The following CENATAC variants were observed in gnomAD, a reference collection of about 807,000 sequenced individuals.
CENATAC encodes coiled-coil domain containing 84.
In CENATAC, 53 loss-of-function variants were observed where a neutral mutation model predicts 53.7. That is an observed-to-expected ratio of 0.99 (90% CI 0.79 to 1.24). CENATAC has a LOEUF of 1.24. Among genes scored for constraint, CENATAC ranks in the 50% most tolerant of loss-of-function variants. CENATAC has a pLI of 0.00. For missense variants in CENATAC, 474 were observed against 417.8 expected (o/e 1.13, Z -1.17); for synonymous variants, 156 against 144.6 (o/e 1.08, Z -0.57).
At chr11:118,999,255 A>T (rs1942169053) in intron 3 of CENATAC, 146 bp downstream of exon 3, 1 of 598,764 alleles carries the variant, frequency 1.7e-6, no homozygotes, top group African/African-American at 1.8e-5. Context: ...TCTAGGTACT[A>T]TATTGGACAC....
rs1435238957 is a variant in CENATAC at position 119,009,074 on chromosome 11, T to A, written c.384-1690T>A. Reference sequence around the variant, plus strand: ...GTCTTTTTCAAAATGGAGTCTCTTATGTCTTTCCTTCCTACATAGACACAG... The same window carrying A: ...GTCTTTTTCAAAATGGAGTCTCTTAAGTCTTTCCTTCCTACATAGACACAG... On this transcript the variant is annotated intron_variant, in intron 3 of 10. Transcript: ENST00000334418. 2.0e-5 allele frequency among the ~76,000 whole-genome samples: 3 copies of A among 152,210 alleles called. No homozygotes were observed. In the East Asian group the frequency reaches 5.8e-4, roughly 29 times the overall value.
intron 9 of CENATAC, 25 bp from the exon 10 acceptor site, chr11:119,015,277 AAAAAT>A (rs782568930): frequency 1.3e-6 from 2 of 1,582,062 alleles, no homozygotes; most frequent in Non-Finnish European, 1.7e-6. Flanking sequence ...TTCAATAAAG[AAAAAT>A]AAAAGTTTCC....
rs552363193 is a variant in CENATAC at position 119,015,463 on chromosome 11, T to C, written c.938+24T>C. ...AGGTATGTGTGTTCAGTGCCGGGTC[T>C]CCAACCTACCCATCCAACCTCCTTT... On this transcript the variant is annotated intron_variant, in intron 10 of 10. Coordinates refer to ENST00000334418, the MANE Select transcript of CENATAC (RefSeq NM_198489.3). 1.4e-5 allele frequency: 23 copies of C among 1,613,848 alleles called. No homozygotes were observed. In the South Asian group the frequency reaches 2.2e-4, roughly 15 times the overall value.
chr11:119,014,149 A>G (rs1432471777), intron 8 of CENATAC: 1 of 152,382 alleles, frequency 6.6e-6, no homozygotes, highest in Non-Finnish European at 1.5e-5. Flanking sequence ...CTTGTACACA[A>G]ATCTTCAGAA....
At chr11:119,010,893 T>G in intron 4 of CENATAC, 63 bp downstream of exon 4, 2 of 1,444,822 alleles carry the variant, frequency 1.4e-6, no homozygotes, top group Non-Finnish European at 1.9e-6. Context: ...GGAAGACGGT[T>G]TTTCCACAGA....
At chr11:119,002,616 G>T (rs1184973667) in intron 3 of CENATAC, among the ~76,000 whole-genome samples, 4 of 151,760 alleles carry the variant, frequency 2.6e-5, no homozygotes, top group South Asian at 2.1e-4. Flanking sequence ...AGGATTACAG[G>T]CATGAGCCAC....
chr11:119,011,375 T>C, intron 5 of CENATAC, 92 bp downstream of exon 5: 3 of 1,229,320 alleles, frequency 2.4e-6, no homozygotes, highest in South Asian at 2.7e-5. Flanking sequence ...GTGCTTCTTC[T>C]TCTTCTTTTT....
intron 7 of CENATAC, 154 bp downstream of exon 7, chr11:119,012,408 TCTC>T: frequency 1.3e-6 from 1 of 779,402 alleles, no homozygotes; most frequent in East Asian, 2.8e-5. Context: ...TCAGACCTCT[TCTC>T]ACCCTCCAAA....
intron 5 of CENATAC, 78 bp from the exon 6 acceptor site, chr11:119,011,858 TGGG>T: frequency 5.0e-6 from 6 of 1,198,396 alleles, no homozygotes; most frequent in Non-Finnish European, 6.2e-6. Flanking sequence ...CCTGTGATAC[TGGG>T]GTCTGGAGGG....
intron 3 of CENATAC, chr11:119,003,825 G>T (rs1346140866): frequency 6.5e-6 from 1 of 152,984 alleles, no homozygotes; most frequent in African/African-American, 2.4e-5. Flanking sequence ...TACCATATTG[G>T]TCAGGCTGGT....
Position 119,008,256 on chromosome 11 carries a change from C to T in CENATAC, c.384-2508C>T, listed in dbSNP as rs1342597785. Among the ~76,000 whole-genome samples the T allele has an allele frequency of 8.5e-5, 13 of 152,270 alleles. No homozygotes were observed. The East Asian group carries it at 1.3e-3, about 16-fold the overall frequency. On this transcript the variant is annotated intron_variant, in intron 3 of 10. Transcript: ENST00000334418. ...GCACACCAAGGACCTGCACCGGCAC[C>T]GGCCTCTGAGTTCCCTCAGTTTTTA...
Position 119,010,751 on chromosome 11 carries a change from CT to C in CENATAC, c.384-9del, listed in dbSNP as rs1325548754. ...GAATGGGTTCTGGGTGGTTTTGCCC[CT>C]TTTCTTTTTAGATTCAAGAAATCCA... On this transcript the variant is annotated splice_polypyrimidine_tract_variant and intron_variant, in intron 3 of 10. Coordinates refer to ENST00000334418, the MANE Select transcript of CENATAC (RefSeq NM_198489.3). 1.9e-6 allele frequency: 3 copies of C among 1,613,594 alleles called. No homozygotes were observed. Among genetic ancestry groups the C allele is most frequent in the African/African-American group, 1.3e-5 (1 of 74,840 alleles).
At chr11:118,998,948 G>A in intron 2 of CENATAC, 63 bp from the exon 3 acceptor site, 1 of 1,301,360 alleles carries the variant, frequency 7.7e-7, no homozygotes, top group Non-Finnish European at 1.1e-6. Flanking sequence ...CAAACCTAAT[G>A]CTTAATATCT....
chr11:119,011,148 A>G, intron 4 of CENATAC, 73 bp from the exon 5 acceptor site: 1 of 1,356,590 alleles, frequency 7.4e-7, no homozygotes, highest in Non-Finnish European at 1.0e-6. Flanking sequence ...GGAGGGCCCA[A>G]GTTAAAGGAA....
chr11:119,006,075 A>ATTTTTTTTTTTT (rs564551696), intron 3 of CENATAC: 3 of 58,510 alleles, frequency 5.1e-5, no homozygotes, highest in African/African-American at 1.5e-4. Flanking sequence ...AGTAGGCAGG[A>ATTTTTTTTTTTT]TTTTTTTTTT....
chr11:119,010,247 T>C (rs879672101), intron 3 of CENATAC: 3 of 154,688 alleles, frequency 1.9e-5, no homozygotes, highest in Non-Finnish European at 4.3e-5. Context: ...TGTTCCAGAC[T>C]AGGGGAAGAC....
intron 3 of CENATAC, among the ~76,000 whole-genome samples, chr11:119,000,157 A>T (rs1489607474): frequency 6.6e-6 from 1 of 152,242 alleles, no homozygotes; most frequent in African/African-American, 2.4e-5. Context: ...CTATTTTGAC[A>T]TATTTTAAGC....
chr11:119,014,011 A>G, intron 8 of CENATAC: 1 of 152,206 alleles, frequency 6.6e-6, no homozygotes, highest in East Asian at 1.9e-4. Context: ...TAGAAAAACC[A>G]AACCTTCATA....
rs1465099836 is a variant in CENATAC at position 119,003,499 on chromosome 11, T to C, written c.383+4390T>C. On this transcript the variant is annotated intron_variant, in intron 3 of 10. Transcript: ENST00000334418. ...TTTTCGTAGAGATAGGGTGTCACCA[T>C]GTTGGCCAAACTGGTCTCGAACTCC... 1.2e-5 allele frequency: 5 copies of C among 411,280 alleles called. No individual in the cohort carries two copies. In the East Asian group the frequency reaches 2.9e-4, roughly 24 times the overall value. The allele number at this position is 411,280 out of a possible 1,614,324, so 25.5% of individuals were successfully genotyped here. A position where few individuals can be genotyped will look rare whatever the true frequency, so the allele number is the denominator to read the frequency against.
Sources: allele counts gnomAD v4.1 joint callset (sites outside exome capture counted in the v4.1 genomes callset), GRCh38; gene constraint gnomAD v4.1.1; transcripts MANE v1.5; gene names NCBI Gene and HGNC (gene_info 2026-07-23, HGNC 2026-07-21).